The following EYA4 variants were observed in gnomAD, a reference collection of about 807,000 sequenced individuals.
EYA4 encodes the protein EYA transcriptional coactivator and phosphatase 4.
In EYA4, 31 loss-of-function variants were observed where a neutral mutation model predicts 87.9. That is an observed-to-expected ratio of 0.35 (90% CI 0.27 to 0.48). EYA4 has a LOEUF of 0.48. EYA4 is among the 20% of genes least tolerant of loss of function. EYA4 has a pLI of 0.99. For missense variants in EYA4, 678 were observed against 761.4 expected, an observed-to-expected ratio of 0.89 and a Z score of 1.29; for synonymous variants, 263 against 270.6, an observed-to-expected ratio of 0.97 and a Z score of 0.28.
At chr6:133,446,600 A>C in intron 3 of EYA4, 30 bp from the exon 4 acceptor site, 7 of 1,613,494 alleles carry the variant, frequency 4.3e-6, no homozygotes, top group Non-Finnish European at 5.1e-6. Flanking sequence ...TGCAATTTCA[A>C]CTTTTCTCTG....
At chr6:133,477,449 TTTTA>T (rs1186797529) in intron 11 of EYA4, among the ~76,000 whole-genome samples, 1 of 152,150 alleles carries the variant, frequency 6.6e-6, no homozygotes, top group African/African-American at 2.4e-5. Context: ...ATTGCCCATT[TTTTA>T]TTTGAGTTAT....
intron 2 of EYA4, among the ~76,000 whole-genome samples, chr6:133,300,989 A>G (rs992318537): frequency 6.6e-6 from 1 of 152,194 alleles, no homozygotes; most frequent in Non-Finnish European, 1.5e-5. Context: ...GCAAAGTACT[A>G]AGAAACATCT....
At chr6:133,442,569 G>T (rs1792414969) in intron 3 of EYA4, among the ~76,000 whole-genome samples, 1 of 151,876 alleles carries the variant, frequency 6.6e-6, no homozygotes, top group South Asian at 2.1e-4. Flanking sequence ...GTAGTTTGGG[G>T]GTTTGGGGTA....
chr6:133,265,647 A>G (rs774398135), intron 1 of EYA4, among the ~76,000 whole-genome samples: 12 of 152,200 alleles, frequency 7.9e-5, no homozygotes, highest in Non-Finnish European at 1.2e-4. Context: ...ATAATATTTT[A>G]GTACCTTAGT....
Position 133,374,965 on chromosome 6 carries a change from A to C in EYA4, c.34-7427A>C, listed in dbSNP as rs1399323019. 2.0e-5 allele frequency among the ~76,000 whole-genome samples: 3 copies of C among 152,142 alleles called. No individual in the cohort carries two copies. In the East Asian group the frequency reaches 5.8e-4, roughly 29 times the overall value. ...CAAAATGCCATTTTATTTTCCTTGA[A>C]AAGCCTCTCAAATTTGTATAAACAT... is the stretch of plus-strand genomic sequence containing the variant. On this transcript the variant is annotated intron_variant, in intron 2 of 19. Coordinates refer to ENST00000355286, the MANE Select transcript of EYA4 (RefSeq NM_004100.5).
Position 133,434,367 on chromosome 6 carries a change from A to T in EYA4, c.84-12263A>T, listed in dbSNP as rs1247123207. Among the ~76,000 whole-genome samples, 3 of 152,258 alleles carry T rather than the reference A, an allele frequency of 2.0e-5. No individual in the cohort carries two copies. In the East Asian group the frequency reaches 5.8e-4, roughly 29 times the overall value. The stretch of plus-strand genomic sequence containing the variant: ...TTAAGAAAATGATTTTCTTGACACT[A>T]CAAGTTTTCAAATAGACAAACCAGG... On this transcript the variant is annotated intron_variant, in intron 3 of 19. Transcript: ENST00000355286.
At chr6:133,353,055 G>A (rs1467482957) in intron 2 of EYA4, among the ~76,000 whole-genome samples, 2 of 152,034 alleles carry the variant, frequency 1.3e-5, no homozygotes, top group South Asian at 2.1e-4. Flanking sequence ...ATATCACTGT[G>A]GGTAGTAATT....
At chr6:133,345,490 T>G (rs1262980219) in intron 2 of EYA4, among the ~76,000 whole-genome samples, 1 of 152,152 alleles carries the variant, frequency 6.6e-6, no homozygotes, top group African/African-American at 2.4e-5. Context: ...TCCTCAACCT[T>G]TAATTTCCAA....
At chr6:133,245,475 A>C (rs578191398) in intron 1 of EYA4, among the ~76,000 whole-genome samples, 1 of 152,202 alleles carries the variant, frequency 6.6e-6, no homozygotes, top group Non-Finnish European at 1.5e-5. Flanking sequence ...ATCTTAAACT[A>C]ATTATATTCA....
At chr6:133,402,930 G>A (rs1418001437) in intron 3 of EYA4, among the ~76,000 whole-genome samples, 2 of 152,164 alleles carry the variant, frequency 1.3e-5, no homozygotes, top group Non-Finnish European at 2.9e-5. Context: ...TGACACTCTA[G>A]GAGTGGAGTC....
intron 2 of EYA4, among the ~76,000 whole-genome samples, chr6:133,363,851 A>G (rs1784656975): frequency 6.6e-6 from 1 of 152,200 alleles, no homozygotes; most frequent in Non-Finnish European, 1.5e-5. Flanking sequence ...GGAAGGGCCC[A>G]ACAGGCCTGG....
intron 1 of EYA4, among the ~76,000 whole-genome samples, chr6:133,257,648 AG>A (rs2128238711): frequency 6.6e-6 from 1 of 152,338 alleles, no homozygotes; most frequent in East Asian, 1.9e-4. Flanking sequence ...TTAAATTTCA[AG>A]CAATATACTC....
rs201014987 is a variant in EYA4 at position 133,299,714 on chromosome 6, A to AAAAATAAAATAAAAT, written c.33+24941_33+24955dup. On this transcript the variant is annotated intron_variant, in intron 2 of 19. Transcript: ENST00000355286. ...GCAACAGAGTGAGACTCTGTCTCAA[A>AAAAATAAAATAAAAT]AAAATAAAATAAAATAAAATAAAAT... is the stretch of plus-strand genomic sequence containing the variant. Among the ~76,000 whole-genome samples the AAAAATAAAATAAAAT allele has an allele frequency of 3.8e-3, 519 of 137,622 alleles. 6 individuals carry two copies. The highest frequency in any genetic ancestry group is 0.014 in the African/African-American group (487 of 35,388). The allele number at this position is 137,622 out of a possible 152,430, so 90.3% of individuals were successfully genotyped here. A position where few individuals can be genotyped will look rare whatever the true frequency, so the allele number is the denominator to read the frequency against.
intron 3 of EYA4, among the ~76,000 whole-genome samples, chr6:133,432,234 AG>A (rs1791247172): frequency 6.6e-6 from 1 of 152,208 alleles, no homozygotes; most frequent in African/African-American, 2.4e-5. Context: ...CAGCCCCAGT[AG>A]ACATGAGGGA....
intron 2 of EYA4, among the ~76,000 whole-genome samples, chr6:133,370,979 G>A (rs758156354): frequency 1.3e-5 from 2 of 152,102 alleles, no homozygotes; most frequent in Admixed American, 6.6e-5. Context: ...TTAAAACCTT[G>A]ATGTGGAAGG....
At chr6:133,485,267 C>G (rs553164722) in intron 13 of EYA4, among the ~76,000 whole-genome samples, 1 of 152,010 alleles carries the variant, frequency 6.6e-6, no homozygotes, top group Non-Finnish European at 1.5e-5. Context: ...AAAATAGAGA[C>G]TCTCTATGCA....
chr6:133,477,211 G>A (rs1795819245), intron 11 of EYA4, among the ~76,000 whole-genome samples: 1 of 151,912 alleles, frequency 6.6e-6, no homozygotes. Flanking sequence ...GGACTAAATG[G>A]CTGTGCTAAT....
chr6:133,355,933 C>T (rs1204749352), intron 2 of EYA4, among the ~76,000 whole-genome samples: 1 of 151,980 alleles, frequency 6.6e-6, no homozygotes, highest in Non-Finnish European at 1.5e-5. Flanking sequence ...AAATGCATTT[C>T]TCACAGGTCT....
chr6:133,484,947 C>A (rs1442018214), intron 13 of EYA4, among the ~76,000 whole-genome samples: 1 of 152,104 alleles, frequency 6.6e-6, no homozygotes, highest in African/African-American at 2.4e-5. Context: ...TCATTTTGAT[C>A]TTTCTTTAAA....
Sources: allele counts gnomAD v4.1 joint callset (sites outside exome capture counted in the v4.1 genomes callset), GRCh38; gene constraint gnomAD v4.1.1; transcripts MANE v1.5; gene names NCBI Gene and HGNC (gene_info 2026-07-23, HGNC 2026-07-21).